The following ZFHX3 variants were observed in gnomAD, a reference collection of about 807,000 sequenced individuals.
The protein encoded by ZFHX3 is zinc finger homeobox 3.
A neutral mutation model predicts 279.1 loss-of-function variants in ZFHX3; 42 were observed. The observed-to-expected ratio is 0.15, with a 90% confidence interval of 0.12 to 0.19. The LOEUF is 0.19. Ranked by LOEUF, ZFHX3 falls within the 10% of genes least tolerant of loss-of-function variation. The pLI is 1.00. For missense variants in ZFHX3, 4,981 were observed against 4,754.0 expected (o/e 1.05, Z -1.40); for synonymous variants, 2,293 against 1,957.8 (o/e 1.17, Z -4.52).
chr16:72,874,697 T>C (rs945148742), intron 4 of ZFHX3, among the ~76,000 whole-genome samples: 2 of 151,058 alleles, frequency 1.3e-5, no homozygotes, highest in African/African-American at 4.9e-5. Context: ...TCTCGCTGTG[T>C]TGCCCAGGGT....
chr16:73,818,590 A>G (rs1960646603), intron 1 of ZFHX3, among the ~76,000 whole-genome samples: 1 of 152,220 alleles, frequency 6.6e-6, no homozygotes, highest in African/African-American at 2.4e-5. Flanking sequence ...TTAAATAAGC[A>G]GACACCCACA....
intron 1 of ZFHX3, among the ~76,000 whole-genome samples, chr16:73,764,543 A>T (rs991403622): frequency 6.6e-6 from 1 of 152,142 alleles, no homozygotes; most frequent in Non-Finnish European, 1.5e-5. Flanking sequence ...CTGTAAACTG[A>T]TTAAAGCTCA....
chr16:73,120,184 C>G (rs1966479591), intron 7 of ZFHX3, among the ~76,000 whole-genome samples: 2 of 152,130 alleles, frequency 1.3e-5, no homozygotes, highest in South Asian at 2.1e-4. Flanking sequence ...TGGCTCATTT[C>G]CCATTTCTAG....
chr16:73,066,342 A>G (rs1368463305), intron 8 of ZFHX3, among the ~76,000 whole-genome samples: 1 of 151,998 alleles, frequency 6.6e-6, no homozygotes, highest in Non-Finnish European at 1.5e-5. Flanking sequence ...TGAGAATTCG[A>G]CAGTTGCCCC....
Position 72,971,562 on chromosome 16 carries a change from CGTT to C in ZFHX3, c.-49-11371_-49-11369del, listed in dbSNP as rs1401807654. On this transcript the variant is annotated intron_variant, in intron 1 of 9. Coordinates refer to ENST00000268489, the MANE Select transcript of ZFHX3 (RefSeq NM_006885.4). ...TCTAAAACTAGGCTCTTACTCATGACGTTGTGTCTGTATTGCCTTAGGATGCAT... is the reference window on the plus strand; with the variant it reads ...TCTAAAACTAGGCTCTTACTCATGACGTGTCTGTATTGCCTTAGGATGCAT... 6.6e-5 allele frequency among the ~76,000 whole-genome samples: 10 copies of C among 152,222 alleles called. No homozygotes were observed. In the East Asian group the frequency reaches 1.9e-3, roughly 29 times the overall value.
At chr16:73,123,063 A>G (rs1966519674) in intron 7 of ZFHX3, among the ~76,000 whole-genome samples, 1 of 151,938 alleles carries the variant, frequency 6.6e-6, no homozygotes. Flanking sequence ...GATGTTCACC[A>G]AGCTATAAAG....
chr16:73,467,074 C>T (rs900926003), intron 2 of ZFHX3, among the ~76,000 whole-genome samples: 10 of 152,072 alleles, frequency 6.6e-5, no homozygotes, highest in Admixed American at 4.6e-4. Flanking sequence ...GGAAGAGCTA[C>T]TTGAGGAGAA....
intron 5 of ZFHX3, among the ~76,000 whole-genome samples, chr16:73,147,446 A>C (rs1485812861): frequency 1.3e-5 from 2 of 150,198 alleles, no homozygotes; most frequent in Non-Finnish European, 3.0e-5. Context: ...TAATCCCAGC[A>C]CTTTGGGAGG....
chr16:72,973,323 A>G (rs564774373), intron 1 of ZFHX3: 1 of 152,306 alleles, frequency 6.6e-6, no homozygotes, highest in East Asian at 1.9e-4. Context: ...TCCAAGAAAC[A>G]ACTACCAAAA....
chr16:73,106,181 C>G (rs770253182), intron 7 of ZFHX3, among the ~76,000 whole-genome samples: 3 of 152,106 alleles, frequency 2.0e-5, no homozygotes, highest in African/African-American at 4.8e-5. Context: ...TCAATTAGAG[C>G]GCAAGATCTA....
chr16:73,142,014 G>C (rs1369950775), intron 6 of ZFHX3, among the ~76,000 whole-genome samples: 3 of 152,200 alleles, frequency 2.0e-5, no homozygotes, highest in Non-Finnish European at 4.4e-5. Context: ...ACTGAACAAG[G>C]CTGCGATGAA....
At chr16:73,208,097 G>T (rs940034574) in intron 5 of ZFHX3, among the ~76,000 whole-genome samples, 4 of 152,012 alleles carry the variant, frequency 2.6e-5, no homozygotes, top group African/African-American at 9.7e-5. Flanking sequence ...GAGAAACAAG[G>T]TTCAAACAAG....
At chr16:73,538,280 T>C (rs984345705) in intron 2 of ZFHX3, among the ~76,000 whole-genome samples, 4 of 152,134 alleles carry the variant, frequency 2.6e-5, no homozygotes, top group African/African-American at 9.7e-5. Flanking sequence ...CCCTCTTCTG[T>C]TTCCTCTGCT....
intron 3 of ZFHX3, among the ~76,000 whole-genome samples, chr16:73,441,763 A>G (rs1350404711): frequency 6.6e-6 from 1 of 152,162 alleles, no homozygotes; most frequent in Non-Finnish European, 1.5e-5. Context: ...AGTAATTTTC[A>G]TCAAGTTACT....
chr16:73,197,904 G>GT (rs1968184083), intron 5 of ZFHX3, among the ~76,000 whole-genome samples: 1 of 133,192 alleles, frequency 7.5e-6, no homozygotes. Flanking sequence ...AAGAAGATAA[G>GT]TAGAGTATCT....
At chr16:73,715,378 C>T (rs113352056) in intron 1 of ZFHX3, among the ~76,000 whole-genome samples, 3,502 of 152,152 alleles carry the variant, frequency 0.023, 46 homozygotes, top group East Asian at 0.033. Context: ...CGTAGACTTG[C>T]GTATCTTCTT....
At chr16:73,569,934 C>T (rs1416237861) in intron 2 of ZFHX3, among the ~76,000 whole-genome samples, 3 of 152,046 alleles carry the variant, frequency 2.0e-5, no homozygotes, top group African/African-American at 7.2e-5. Flanking sequence ...CCCTTAATCA[C>T]CCCCTCCATG....
intron 2 of ZFHX3, among the ~76,000 whole-genome samples, chr16:73,641,566 A>T (rs924866388): frequency 2.0e-5 from 3 of 152,228 alleles, no homozygotes; most frequent in African/African-American, 4.8e-5. Context: ...TATTATATTC[A>T]GCATAAACAG....
At chr16:73,455,591 T>C (rs890249766) in intron 3 of ZFHX3, among the ~76,000 whole-genome samples, 1 of 152,108 alleles carries the variant, frequency 6.6e-6, no homozygotes, top group African/African-American at 2.4e-5. Flanking sequence ...TCTAACAAGC[T>C]CCAACCCATT....
Sources: allele counts gnomAD v4.1 joint callset (sites outside exome capture counted in the v4.1 genomes callset), GRCh38; gene constraint gnomAD v4.1.1; transcripts MANE v1.5; gene names NCBI Gene and HGNC (gene_info 2026-07-23, HGNC 2026-07-21).